Variants in IGSF10 observed in about 807,000 individuals in gnomAD.
IGSF10 encodes the protein immunoglobulin superfamily member 10, also known as calvaria mechanical force protein 608.
A neutral mutation model predicts 128.2 loss-of-function variants in IGSF10; 126 were observed. The observed-to-expected ratio is 0.98, with a 90% CI of 0.85 to 1.14. The LOEUF (loss-of-function observed/expected upper bound fraction) is 1.14, where lower values mean the gene tolerates loss of function less well. Among genes scored for constraint, IGSF10 ranks in the 50% most tolerant of loss-of-function variants. IGSF10 has a pLI of 0.00. For missense variants in IGSF10, 3,295 were observed against 3,149.8 expected, an observed-to-expected ratio of 1.05 and a Z score of -1.10; for synonymous variants, 1,185 against 1,146.2, an observed-to-expected ratio of 1.03 and a Z score of -0.68.
At chr3:151,465,810 A>G (rs1387064587), upstream of IGSF10, among the ~76,000 whole-genome samples, 2 of 152,174 alleles carry the variant, frequency 1.3e-5, no homozygotes, top group Non-Finnish European at 2.9e-5. Flanking sequence ...GTCCTTGTGG[A>G]TGAACTGTAA....
chr3:151,527,669 G>A, the IGSF10 span, among the ~76,000 whole-genome samples: 2 of 152,186 alleles, frequency 1.3e-5, no homozygotes, highest in African/African-American at 4.8e-5. Context: ...CCAAATCTGG[G>A]CCAGGTGTAG....
At chr3:151,456,989 A>AC in intron 4 of IGSF10, 37 bp downstream of exon 4, 4 of 1,612,562 alleles carry the variant, frequency 2.5e-6, no homozygotes, top group Non-Finnish European at 3.4e-6. Flanking sequence ...GTCCCACCTT[A>AC]CCTCTTTAAC....
chr3:151,525,884 T>C, the IGSF10 span, among the ~76,000 whole-genome samples: 2 of 152,212 alleles, frequency 1.3e-5, no homozygotes, highest in East Asian at 3.8e-4. Flanking sequence ...CACTTTTTTT[T>C]CCATATGAAG....
At chr3:151,432,985 G>A, downstream of IGSF10, 1 of 543,930 alleles carries the variant, frequency 1.8e-6, no homozygotes, top group Non-Finnish European at 3.2e-6. Flanking sequence ...AGGAGAAGTT[G>A]TGGTTTGATT....
chr3:151,526,446 A>C, the IGSF10 span, among the ~76,000 whole-genome samples: 3 of 152,052 alleles, frequency 2.0e-5, no homozygotes, highest in African/African-American at 7.2e-5. Context: ...AAAAATGTTT[A>C]ATGTTGCATC....
chr3:151,528,945 G>T, the IGSF10 span, among the ~76,000 whole-genome samples: 22 of 151,524 alleles, frequency 1.5e-4, no homozygotes, highest in African/African-American at 4.6e-4. Context: ...AGCAAGCTAA[G>T]ATCCACCGGC....
Position 151,443,751 on chromosome 3 carries a change from G to A in IGSF10, c.5196C>T (p.Asp1732=), listed in dbSNP as rs1209808121. 3.7e-6 allele frequency: 6 copies of A among 1,614,192 alleles called. No individual in the cohort carries two copies. The South Asian group carries it at 6.6e-5, about 18-fold the overall frequency. ...LCSASNLFGT[D]HLHVTLSVVS... The stretch of plus-strand genomic sequence containing the variant: ...CCACAGACAAGGTGACATGAAGGTG[G>A]TCTGTGCCAAACAGATTGGATGCGG... The change falls in exon 7 of 8, where the codon GAC becomes GAT. Residue 1732 remains aspartate (D), a synonymous_variant. Transcript: ENST00000282466.
the IGSF10 span, among the ~76,000 whole-genome samples, chr3:151,543,750 C>T: frequency 0.036 from 5,508 of 152,250 alleles, 128 homozygotes; most frequent in East Asian, 0.06. Context: ...CGTCTGCCTG[C>T]CAAACTTGCT....
chr3:151,445,301 T>A lies in IGSF10; in HGVS notation c.4680A>T (p.Ser1560=). 1 of 1,614,198 alleles carries A rather than the reference T, an allele frequency of 6.2e-7. No homozygotes were observed. Among genetic ancestry groups the A allele is most frequent in the Non-Finnish European group, 8.5e-7 (1 of 1,180,034 alleles). ...TPMPALTTVK[S]QNSKLTPSPW... The stretch of plus-strand genomic sequence containing the variant: ...GAGATGGAGTTAATTTAGAATTCTG[T>A]GATTTAACTGTTGTTAGTGCTGGCA... The change falls in exon 6 of 8, where the codon TCA becomes TCT. Residue 1560 remains serine (S), a synonymous_variant. Coordinates refer to ENST00000282466, the MANE Select transcript of IGSF10 (RefSeq NM_178822.5).
chr3:151,478,256 G>C, the IGSF10 span, among the ~76,000 whole-genome samples: 2 of 152,218 alleles, frequency 1.3e-5, no homozygotes, highest in Admixed American at 6.5e-5. Flanking sequence ...TGTTAGAGCT[G>C]AACATTACCA....
upstream of IGSF10, chr3:151,461,569 CACAT>C (rs1722061445): frequency 5.5e-6 from 2 of 363,750 alleles, no homozygotes; most frequent in African/African-American, 7.5e-5. Flanking sequence ...TCCATCATCT[CACAT>C]AGTTACCCCA....
At chr3:151,487,010 T>C in the IGSF10 span, among the ~76,000 whole-genome samples, 2 of 79,230 alleles carry the variant, frequency 2.5e-5, no homozygotes, top group South Asian at 9.3e-4. Flanking sequence ...GAGATAGACA[T>C]GAAATACCTT....
At chr3:151,530,402 C>T in the IGSF10 span, among the ~76,000 whole-genome samples, 1 of 152,008 alleles carries the variant, frequency 6.6e-6, no homozygotes, top group African/African-American at 2.4e-5. Flanking sequence ...AACCCCAAGA[C>T]ACATAATCAT....
chr3:151,562,829 A>G, the IGSF10 span, among the ~76,000 whole-genome samples: 1 of 152,150 alleles, frequency 6.6e-6, no homozygotes, highest in Non-Finnish European at 1.5e-5. Context: ...AGACTTTATC[A>G]AGGACGTACA....
the IGSF10 span, among the ~76,000 whole-genome samples, chr3:151,598,436 C>T: frequency 6.6e-6 from 1 of 152,122 alleles, no homozygotes; most frequent in Admixed American, 6.5e-5. Context: ...AATTATTTGA[C>T]CCCCAAATGC....
the IGSF10 span, among the ~76,000 whole-genome samples, chr3:151,522,079 A>T: frequency 6.6e-6 from 1 of 152,128 alleles, no homozygotes; most frequent in African/African-American, 2.4e-5. Flanking sequence ...ACCTTTATGA[A>T]CACAAACTAG....
the IGSF10 span, among the ~76,000 whole-genome samples, chr3:151,481,272 T>C: frequency 4.6e-5 from 7 of 152,174 alleles, no homozygotes; most frequent in South Asian, 2.1e-4. Context: ...TACATTAGCC[T>C]TCTGCAGTTT....
At chr3:151,522,429 A>G in the IGSF10 span, among the ~76,000 whole-genome samples, 1 of 152,168 alleles carries the variant, frequency 6.6e-6, no homozygotes, top group African/African-American at 2.4e-5. Flanking sequence ...ATGAACATCA[A>G]TGCAAAAATC....
At chr3:151,554,972 A>G in the IGSF10 span, among the ~76,000 whole-genome samples, 1 of 152,178 alleles carries the variant, frequency 6.6e-6, no homozygotes, top group Non-Finnish European at 1.5e-5. Flanking sequence ...GTAATAAATA[A>G]TTGATATGGA....
Sources: gnomAD v4.1 joint callset for allele counts (sites outside exome capture counted in the v4.1 genomes callset) on GRCh38, gnomAD v4.1.1 for gene constraint, MANE v1.5 for transcripts, NCBI Gene and HGNC (gene_info 2026-07-23, HGNC 2026-07-21) for gene names.